The following SAMD4A variants were observed in gnomAD, a reference collection of about 807,000 sequenced individuals.
The protein encoded by SAMD4A is sterile alpha motif domain containing 4A, also known as protein Smaug homolog 1.
Under a neutral mutation model 81.3 loss-of-function variants are expected in SAMD4A, and 33 were observed. That is an observed-to-expected ratio of 0.41 (90% CI 0.31 to 0.54). The LOEUF (loss-of-function observed/expected upper bound fraction) is 0.54. Among genes scored for constraint, SAMD4A ranks in the 20% least tolerant of loss-of-function variants. SAMD4A has a pLI of 0.37. For synonymous variants in SAMD4A, 389 were observed against 382.1 expected, an observed-to-expected ratio of 1.02 and a Z score of -0.21; for missense variants, 854 against 951.1, an observed-to-expected ratio of 0.90 and a Z score of 1.34.
chr14:54,710,783 C>T (rs1201970470), intron 3 of SAMD4A, among the ~76,000 whole-genome samples: 2 of 152,172 alleles, frequency 1.3e-5, no homozygotes, highest in Admixed American at 6.5e-5. Flanking sequence ...AGTTTTTGGT[C>T]GCCATGTTCA....
intron 11 of SAMD4A, among the ~76,000 whole-genome samples, chr14:54,782,955 A>G (rs1485459296): frequency 3.3e-5 from 5 of 152,204 alleles, no homozygotes; most frequent in Non-Finnish European, 7.4e-5. Flanking sequence ...GGACCCCGGG[A>G]TGCTTTGCCC....
intron 2 of SAMD4A, among the ~76,000 whole-genome samples, chr14:54,657,551 T>G (rs189426983): frequency 3.9e-5 from 6 of 152,354 alleles, no homozygotes; most frequent in African/African-American, 1.4e-4. Flanking sequence ...ACTGACTGTT[T>G]CCAGCTTTGC....
chr14:54,737,268 A>C lies in SAMD4A; in HGVS notation c.960A>C (p.Glu320Asp). The C allele has an allele frequency of 6.2e-7, 1 of 1,614,168 alleles. No homozygotes were observed. Among genetic ancestry groups the C allele is most frequent in the Non-Finnish European group, 8.5e-7 (1 of 1,180,020 alleles). ...DQTTARNTFQEEGSGMKDVPA... is the reference protein window; with the variant it reads ...DQTTARNTFQDEGSGMKDVPA... Reference sequence around the variant, plus strand: ...CCACTGCTCGTAACACATTCCAAGAAGAAGGTAGTGGGATGAAAGGTGAGT... The same window carrying C: ...CCACTGCTCGTAACACATTCCAAGACGAAGGTAGTGGGATGAAAGGTGAGT... The change falls in exon 4 of 13, where the codon GAA (glutamate) becomes GAC (aspartate). Residue 320 changes from glutamate to aspartate, a missense_variant. By Grantham distance (45) the Glu-to-Asp change is conservative. Around this residue, in one of 3 missense-constraint regions of SAMD4A, gnomAD observed 387 missense variants for 405.8 expected, o/e 0.95. Transcript: ENST00000554335.
intron 7 of SAMD4A, among the ~76,000 whole-genome samples, chr14:54,761,607 A>G (rs2038400310): frequency 6.6e-6 from 1 of 152,232 alleles, no homozygotes; most frequent in African/African-American, 2.4e-5. Flanking sequence ...CATGTGAATT[A>G]CAAGATGGTG....
intron 3 of SAMD4A, among the ~76,000 whole-genome samples, chr14:54,719,761 A>G (rs2037215021): frequency 1.3e-5 from 2 of 152,154 alleles, no homozygotes; most frequent in South Asian, 4.1e-4. Context: ...CCTTGATTTC[A>G]TCAACTTAAA....
In SAMD4A at chr14:54,788,991, C is replaced by G. The variant is rs375924063; in HGVS notation, c.*47C>G. ...GCGCTGGCCGTGAAATCGACTGCTG[C>G]GGGTCCAGTGTCCGCCATCTTCAGG... On this transcript the variant is annotated 3_prime_UTR_variant, in exon 13 of 13. Coordinates refer to ENST00000554335, the MANE Select transcript of SAMD4A (RefSeq NM_015589.6). The G allele has an allele frequency of 6.2e-6, 10 of 1,600,888 alleles. No individual in the cohort carries two copies. Among genetic ancestry groups the G allele is most frequent in the Non-Finnish European group, 8.6e-6 (10 of 1,168,010 alleles).
At chr14:54,654,888 T>A (rs1416892317) in intron 2 of SAMD4A, among the ~76,000 whole-genome samples, 1 of 152,354 alleles carries the variant, frequency 6.6e-6, no homozygotes, top group East Asian at 1.9e-4. Context: ...TGACAGCACA[T>A]CAGTGCCTGG....
chr14:54,781,302 A>T (rs2038993643), intron 11 of SAMD4A, among the ~76,000 whole-genome samples: 1 of 152,240 alleles, frequency 6.6e-6, no homozygotes, highest in South Asian at 2.1e-4. Flanking sequence ...CCCAGCAGGG[A>T]TGGACGGTTA....
intron 2 of SAMD4A, among the ~76,000 whole-genome samples, chr14:54,677,742 A>G (rs1365621684): frequency 6.6e-6 from 1 of 152,204 alleles, no homozygotes; most frequent in African/African-American, 2.4e-5. Context: ...ATACCACAAT[A>G]TTGTTTTAAT....
chr14:54,728,254 C>A (rs539323388), intron 3 of SAMD4A, among the ~76,000 whole-genome samples: 1 of 152,174 alleles, frequency 6.6e-6, no homozygotes, highest in Non-Finnish European at 1.5e-5. Context: ...AAATTCAAAT[C>A]GTTATGTATA....
chr14:54,617,453 T>TG (rs1192244978), intron 2 of SAMD4A, among the ~76,000 whole-genome samples: 29 of 65,396 alleles, frequency 4.4e-4, no homozygotes, highest in African/African-American at 1.8e-3. Flanking sequence ...AAAGAATCTG[T>TG]AAGGAGAGAA....
chr14:54,582,079 G>C (rs2033484558), intron 2 of SAMD4A, among the ~76,000 whole-genome samples: 1 of 152,074 alleles, frequency 6.6e-6, no homozygotes, highest in Non-Finnish European at 1.5e-5. Context: ...CAGATGATCT[G>C]AGCACAGTTA....
intron 2 of SAMD4A, among the ~76,000 whole-genome samples, chr14:54,574,507 A>G (rs1263602529): frequency 6.6e-6 from 1 of 152,178 alleles, no homozygotes; most frequent in Non-Finnish European, 1.5e-5. Context: ...TGAAGGATGA[A>G]TGTGAATAGG....
At position 54,669,674 on chromosome 14, in the gene SAMD4A, C is replaced by T. The variant is rs556476723; in HGVS notation, c.197-32388C>T. Among the ~76,000 whole-genome samples, 3 of 152,150 alleles carry T rather than the reference C, an allele frequency of 2.0e-5. No homozygotes were observed. In the South Asian group the frequency reaches 6.2e-4, roughly 32 times the overall value. On this transcript the variant is annotated intron_variant, in intron 2 of 12. Coordinates refer to ENST00000554335, the MANE Select transcript of SAMD4A (RefSeq NM_015589.6). Reference sequence around the variant, plus strand: ...TGGTGTTGGTTTTTAACTAGGCCCCCACTAGGTATTGCTGTTCCTGCCTAT... The same window carrying T: ...TGGTGTTGGTTTTTAACTAGGCCCCTACTAGGTATTGCTGTTCCTGCCTAT...
chr14:54,774,916 C>G lies in SAMD4A; in HGVS notation c.1716-18C>G, dbSNP rs1345750682. On this transcript the variant is annotated intron_variant, in intron 9 of 12. Transcript: ENST00000554335. ...AATAACGACTGATATTCTCTTCCTT[C>G]TCTCTTGGCTCTCACAGTCGAGGCT... 4 of 1,613,564 alleles carry G rather than the reference C, an allele frequency of 2.5e-6. No individual in the cohort carries two copies. The highest frequency in any genetic ancestry group is 3.4e-6 in the Non-Finnish European group (4 of 1,179,660).
At chr14:54,697,547 C>T (rs995454706) in intron 2 of SAMD4A, among the ~76,000 whole-genome samples, 4 of 151,982 alleles carry the variant, frequency 2.6e-5, no homozygotes, top group Non-Finnish European at 5.9e-5. Flanking sequence ...AGGACGGGGG[C>T]GCTGAGGAAG....
intron 2 of SAMD4A, among the ~76,000 whole-genome samples, chr14:54,647,656 G>C (rs1384610217): frequency 6.6e-6 from 1 of 152,216 alleles, no homozygotes; most frequent in African/African-American, 2.4e-5. Flanking sequence ...ATGTGGGATA[G>C]GGAGACGGGT....
At chr14:54,688,420 C>A in intron 2 of SAMD4A, 1 of 946,286 alleles carries the variant, frequency 1.1e-6, no homozygotes, top group Non-Finnish European at 1.3e-6. Context: ...GGGTGTGAGC[C>A]TGTGGTAAAG....
At chr14:54,771,529 C>T (rs1019781521) in intron 9 of SAMD4A, among the ~76,000 whole-genome samples, 3 of 152,172 alleles carry the variant, frequency 2.0e-5, no homozygotes, top group East Asian at 1.9e-4. Context: ...TGGCCCCAAG[C>T]CCTCTGGGGT....
Sources: allele counts gnomAD v4.1 joint callset (sites outside exome capture counted in the v4.1 genomes callset), GRCh38; gene constraint gnomAD v4.1.1; regional missense constraint gnomAD v4.1.1; transcripts MANE v1.5; gene names NCBI Gene and HGNC (gene_info 2026-07-23, HGNC 2026-07-21).